FER1L6: variants seen among roughly 807,000 people sequenced by gnomAD.
FER1L6 encodes fer-1-like protein 6.
In FER1L6, 177 loss-of-function variants were observed where a neutral mutation model predicts 219.2. The ratio of observed to expected loss-of-function variants is 0.81; its 90% CI spans 0.71 to 0.91. The LOEUF is 0.91. Among genes scored for constraint, FER1L6 ranks in the 40% least tolerant of loss-of-function variants. FER1L6 has a pLI of 0.00. For synonymous variants in FER1L6, 768 were observed against 824.3 expected, an observed-to-expected ratio of 0.93 and a Z score of 1.17; for missense variants, 2,153 against 2,259.9, an observed-to-expected ratio of 0.95 and a Z score of 0.96.
intron 18 of FER1L6, among the ~76,000 whole-genome samples, chr8:124,024,583 C>G (rs973861421): frequency 6.6e-6 from 1 of 152,148 alleles, no homozygotes; most frequent in Admixed American, 6.5e-5. Flanking sequence ...ATATATATCA[C>G]ATTTTCTTAA....
intron 1 of FER1L6, among the ~76,000 whole-genome samples, chr8:123,902,830 G>A (rs951465454): frequency 1.5e-4 from 23 of 152,200 alleles, no homozygotes; most frequent in South Asian, 8.3e-4. Flanking sequence ...CGTGCTCTTT[G>A]TTGCCTGTGT....
intron 1 of FER1L6, among the ~76,000 whole-genome samples, chr8:123,936,472 T>TTG (rs1213882831): frequency 5.5e-5 from 7 of 127,948 alleles, no homozygotes; most frequent in Admixed American, 1.7e-4. Flanking sequence ...GTTTTTTTTT[T>TTG]TTTTTTTTTT....
At chr8:124,049,501 C>G in intron 21 of FER1L6, 106 bp from the exon 22 acceptor site, 1 of 1,271,730 alleles carries the variant, frequency 7.9e-7, no homozygotes, top group South Asian at 1.4e-5. Flanking sequence ...GACATGGAAG[C>G]TGATGGTTTT....
intron 35 of FER1L6, among the ~76,000 whole-genome samples, chr8:124,096,848 G>C (rs1822315882): frequency 6.6e-6 from 1 of 152,110 alleles, no homozygotes; most frequent in African/African-American, 2.4e-5. Flanking sequence ...GTCAACACAA[G>C]GGTTGAATCC....
chr8:123,968,641 A>G (rs1393453625), intron 5 of FER1L6, among the ~76,000 whole-genome samples: 2 of 152,196 alleles, frequency 1.3e-5, no homozygotes, highest in African/African-American at 2.4e-5. Flanking sequence ...AGGACTCTGA[A>G]AAAGTTTAAG....
intron 20 of FER1L6, among the ~76,000 whole-genome samples, chr8:124,042,576 A>G (rs1224601592): frequency 2.0e-5 from 3 of 152,342 alleles, no homozygotes; most frequent in African/African-American, 7.2e-5. Flanking sequence ...TTCCATTTTC[A>G]TAAGAAAGGG....
At chr8:123,945,962 C>T (rs146149917) in intron 1 of FER1L6, among the ~76,000 whole-genome samples, 113 of 152,134 alleles carry the variant, frequency 7.4e-4, no homozygotes, top group African/African-American at 2.6e-3. Context: ...TGTAATATAC[C>T]GGAGTTCTGA....
chr8:123,930,349 A>ATTTT (rs35908666), intron 1 of FER1L6, among the ~76,000 whole-genome samples: 29 of 150,924 alleles, frequency 1.9e-4, no homozygotes, highest in Admixed American at 1.8e-3. Flanking sequence ...CCTCCCTGAC[A>ATTTT]TTTTTTTTTG....
intron 18 of FER1L6, among the ~76,000 whole-genome samples, chr8:124,034,043 C>A (rs1429783034): frequency 6.6e-6 from 1 of 151,870 alleles, no homozygotes; most frequent in Admixed American, 6.6e-5. Context: ...CAGCCATGCT[C>A]AATTTCGGAT....
chr8:123,967,037 G>A (rs1011695660), intron 5 of FER1L6, among the ~76,000 whole-genome samples: 9 of 148,946 alleles, frequency 6.0e-5, no homozygotes, highest in Non-Finnish European at 8.9e-5. Flanking sequence ...AGCCGAGATC[G>A]TGCCATTGCA....
In FER1L6 at chr8:123,945,596, T is replaced by C. The variant is rs550497801; in HGVS notation, c.-7-10396T>C. Among the ~76,000 whole-genome samples the C allele has an allele frequency of 3.9e-4, 60 of 152,362 alleles. 1 individual carries two copies. The highest frequency in any genetic ancestry group is 3.3e-3 in the Admixed American group (50 of 15,306). On this transcript the variant is annotated intron_variant, in intron 1 of 40. Transcript: ENST00000522917. ...GCGGTTACTTTTTTTTAAAGTCATG[T>C]CTGAGGTATGGATGATTGGAAGCTC...
In FER1L6 at chr8:123,986,182, TAC is replaced by T. The variant is rs1370682829; in HGVS notation, c.1519+8_1519+9del. The T allele has an allele frequency of 1.9e-6, 3 of 1,539,866 alleles. No homozygotes were observed. The highest frequency in any genetic ancestry group is 1.7e-5 in the Admixed American group (1 of 59,850). On this transcript the variant is annotated splice_region_variant and intron_variant, in intron 12 of 40. Coordinates refer to ENST00000522917, the MANE Select transcript of FER1L6 (RefSeq NM_001039112.2). ...CAGCTTTGAAGTTTCTATTGGTAAG[TAC>T]AGATAAGCACAGTGCCAGGCACATA...
At chr8:124,010,851 G>A (rs929250853) in intron 14 of FER1L6, 137 bp downstream of exon 14, 16 of 1,225,466 alleles carry the variant, frequency 1.3e-5, no homozygotes, top group Admixed American at 4.6e-5. Flanking sequence ...TGGAGGGCAC[G>A]TGGATCCTAC....
intron 13 of FER1L6, among the ~76,000 whole-genome samples, chr8:124,008,816 G>A (rs1329468773): frequency 6.6e-6 from 1 of 152,130 alleles, no homozygotes; most frequent in Non-Finnish European, 1.5e-5. Flanking sequence ...CTAAGGACAT[G>A]AATAGACAGT....
rs142188925 is a variant in FER1L6 at position 123,921,856 on chromosome 8, G to A, written c.-7-34136G>A. Among the ~76,000 whole-genome samples the A allele has an allele frequency of 2.4e-3, 369 of 152,228 alleles. 2 individuals carry two copies. Among genetic ancestry groups the A allele is most frequent in the African/African-American group, 8.8e-3 (364 of 41,536 alleles). On this transcript the variant is annotated intron_variant, in intron 1 of 40. Transcript: ENST00000522917. The stretch of plus-strand genomic sequence containing the variant: ...AGTGTAGAGGCCGCCCTCGGGCTGA[G>A]AGACTTGAAAGGTGTTTGTCAAGCC...
intron 1 of FER1L6, among the ~76,000 whole-genome samples, chr8:123,889,850 C>G (rs1401761590): frequency 6.6e-6 from 1 of 151,958 alleles, no homozygotes; most frequent in Non-Finnish European, 1.5e-5. Context: ...AAATTTAGGA[C>G]AAGACAGTCC....
At chr8:124,109,500 GA>G (rs1350280521) in intron 39 of FER1L6, among the ~76,000 whole-genome samples, 1 of 152,164 alleles carries the variant, frequency 6.6e-6, no homozygotes, top group Non-Finnish European at 1.5e-5. Flanking sequence ...CTCTTTGTTA[GA>G]AAATGATTTG....
At chr8:123,931,928 A>T (rs6982351) in intron 1 of FER1L6, among the ~76,000 whole-genome samples, 59,023 of 151,686 alleles carry the variant, frequency 0.39, 12,056 homozygotes, top group South Asian at 0.52. Flanking sequence ...AAAATATCTT[A>T]CAATTCTGCT....
rs760584235 is a variant in FER1L6, at chr8:124,070,484, C to T, written c.3852C>T (p.Leu1284=). Residue 1284 remains leucine (L), a synonymous_variant, in exon 30 of 41, where the codon CTC becomes CTT. Transcript: ENST00000522917. ...CCCTAAAGATATATGACGGTGATCTCGAGAGTGAATTCAACAATTTTGAAG... is the reference window on the plus strand; with the variant it reads ...CCCTAAAGATATATGACGGTGATCTTGAGAGTGAATTCAACAATTTTGAAG... ...LAILQIYDGD[L]ESEFNNFEDW... 25 of 1,613,472 alleles carry T rather than the reference C, an allele frequency of 1.5e-5. No individual in the cohort carries two copies. In the East Asian group the frequency reaches 4.0e-4, roughly 26 times the overall value.
Sources: gnomAD v4.1 joint callset for allele counts (sites outside exome capture counted in the v4.1 genomes callset) on GRCh38, gnomAD v4.1.1 for gene constraint, MANE v1.5 for transcripts, NCBI Gene and HGNC (gene_info 2026-07-23, HGNC 2026-07-21) for gene names.